DDX31: variants seen among roughly 807,000 people sequenced by gnomAD.
DDX31 encodes DEAD-box helicase 31.
Under a neutral mutation model 91.3 loss-of-function variants are expected in DDX31, and 70 were observed. That is an observed-to-expected ratio of 0.77 (90% CI 0.63 to 0.94). The LOEUF (loss-of-function observed/expected upper bound fraction) is 0.94. DDX31 is among the 40% of genes least tolerant of loss of function. The probability of loss-of-function intolerance (pLI) is 0.00; values close to 1 mark genes in which losing one functional copy is unlikely to be tolerated. For missense variants in DDX31, 902 were observed against 925.0 expected, an observed-to-expected ratio of 0.98 and a Z score of 0.32; for synonymous variants, 362 against 350.6, an observed-to-expected ratio of 1.03 and a Z score of -0.36.
At chr9:132,655,001 A>C (rs899439119) in intron 6 of DDX31, among the ~76,000 whole-genome samples, 1 of 151,356 alleles carries the variant, frequency 6.6e-6, no homozygotes, top group Non-Finnish European at 1.5e-5. Flanking sequence ...AGAGCATTGG[A>C]GGGCATGGGA....
Position 132,594,928 on chromosome 9 carries a change from A to T in DDX31, c.2179T>A (p.Leu727Ile), listed in dbSNP as rs370819702. Residue 727 changes from leucine to isoleucine, a missense_variant, in exon 20 of 20, where the codon TTA becomes ATA. Leu to Ile is a conservative substitution (Grantham distance 5, BLOSUM62 2). Transcript: ENST00000372159. ...CCTTTTTGGGTTTTTCTCCATTTTA[A>T]TGTTTTCCCACGGCCAAAGCAGGGT... ...PTPCFGRGKT[L>I]KWRKTQKGVQ... 6.2e-7 allele frequency: 1 copy of T among 1,614,032 alleles called. No homozygotes were observed.
At chr9:132,630,986 C>A (rs1564303824) in intron 15 of DDX31, among the ~76,000 whole-genome samples, 1 of 152,220 alleles carries the variant, frequency 6.6e-6, no homozygotes, top group Admixed American at 6.5e-5. Flanking sequence ...CTACAGAATG[C>A]GGGCAGGTGA....
At chr9:132,625,603 C>T in intron 17 of DDX31, 61 bp downstream of exon 17, 1 of 1,334,654 alleles carries the variant, frequency 7.5e-7, no homozygotes, top group South Asian at 1.2e-5. Flanking sequence ...AAAGTCTCTA[C>T]TACCCCAAAT....
intron 17 of DDX31, among the ~76,000 whole-genome samples, chr9:132,618,642 A>G (rs949476037): frequency 2.0e-5 from 3 of 152,200 alleles, no homozygotes; most frequent in African/African-American, 7.2e-5. Flanking sequence ...TTTATGAGAG[A>G]GAACATCAGG....
chr9:132,658,509 G>A (rs1025643389), intron 6 of DDX31, among the ~76,000 whole-genome samples, 162 bp downstream of exon 6: 1 of 152,152 alleles, frequency 6.6e-6, no homozygotes, highest in South Asian at 2.1e-4. Context: ...TCTAGGCACA[G>A]TCTCTAGATA....
rs115531989 is a variant in DDX31, at chr9:132,613,294, G to A, written c.1826-1039C>T. Among the ~76,000 whole-genome samples the A allele has an allele frequency of 9.2e-3, 1,398 of 152,334 alleles. 13 individuals are homozygous for A. Among genetic ancestry groups the A allele is most frequent in the African/African-American group, 0.032 (1,319 of 41,570 alleles). On this transcript the variant is annotated intron_variant, in intron 18 of 19. Coordinates refer to ENST00000372159, the MANE Select transcript of DDX31 (RefSeq NM_022779.9). ...AAAGGGAATGAAACAAATGTTTAAA[G>A]GAGAAAGAAAACTACTAAGTCTCTA... is the stretch of plus-strand genomic sequence containing the variant.
chr9:132,611,465 A>C (rs564228168), intron 19 of DDX31, among the ~76,000 whole-genome samples: 29 of 152,276 alleles, frequency 1.9e-4, no homozygotes, highest in Admixed American at 8.5e-4. Flanking sequence ...AAATCATCTC[A>C]GCACTGGGAA....
intron 16 of DDX31, among the ~76,000 whole-genome samples, chr9:132,629,438 A>T (rs1832591883): frequency 6.6e-6 from 1 of 152,252 alleles, no homozygotes; most frequent in African/African-American, 2.4e-5. Flanking sequence ...TGAGAGGCAG[A>T]GTTCTGCGGA....
intron 12 of DDX31, 73 bp downstream of exon 12, chr9:132,646,750 G>T: frequency 1.4e-6 from 2 of 1,463,304 alleles, no homozygotes; most frequent in Non-Finnish European, 1.9e-6. Flanking sequence ...TCAACTCATT[G>T]CTCCCAATGG....
intron 14 of DDX31, 21 bp downstream of exon 14, chr9:132,641,983 G>A: frequency 1.2e-6 from 2 of 1,610,316 alleles, no homozygotes; most frequent in Non-Finnish European, 1.7e-6. Context: ...GCCTTCACAT[G>A]GAACACAGGA....
chr9:132,624,845 C>T (rs570359087), intron 17 of DDX31, among the ~76,000 whole-genome samples: 59 of 152,344 alleles, frequency 3.9e-4, no homozygotes, highest in African/African-American at 1.3e-3. Flanking sequence ...AACGGGGTCC[C>T]TCCCTGCTCA....
rs1371435611 is a variant in DDX31 at position 132,608,067 on chromosome 9, T to A, written c.1994+4020A>T. ...GAAAGATGGGGACTTTGGAAGGATATGTTACCTTTGCTTCTCAGAAACTGC... is the reference window on the plus strand; with the variant it reads ...GAAAGATGGGGACTTTGGAAGGATAAGTTACCTTTGCTTCTCAGAAACTGC... On this transcript the variant is annotated intron_variant, in intron 19 of 19. Coordinates refer to ENST00000372159, the MANE Select transcript of DDX31 (RefSeq NM_022779.9). Among the ~76,000 whole-genome samples the A allele has an allele frequency of 2.6e-5, 4 of 152,194 alleles. No individual in the cohort carries two copies. The East Asian group carries it at 7.7e-4, about 29-fold the overall frequency.
chr9:132,602,754 T>C lies in DDX31; in HGVS notation c.1995-7642A>G, dbSNP rs186256159. On this transcript the variant is annotated intron_variant, in intron 19 of 19. Transcript: ENST00000372159. ...CAGTTTATTCACTTACAAAAGCTAA[T>C]GTACTAAAAGCATTCACATGCTGCC... Among the ~76,000 whole-genome samples, 493 of 152,346 alleles carry C rather than the reference T, an allele frequency of 3.2e-3. 2 individuals are homozygous for C. Among genetic ancestry groups the C allele is most frequent in the African/African-American group, 0.011 (470 of 41,580 alleles).
Position 132,658,655 on chromosome 9 carries a change from C to G in DDX31, c.588+16G>C. 6.2e-7 allele frequency: 1 copy of G among 1,611,286 alleles called. No individual in the cohort carries two copies. The highest frequency in any genetic ancestry group is 8.5e-7 in the Non-Finnish European group (1 of 1,178,348). On this transcript the variant is annotated intron_variant, in intron 6 of 19. Transcript: ENST00000372159. ...TGCACTATGAGCAATGACAGAAAAA[C>G]ACATTTGATACACACCTGTATTTTT...
At chr9:132,605,541 CCAGG>C (rs1830964294) in intron 19 of DDX31, among the ~76,000 whole-genome samples, 1 of 152,194 alleles carries the variant, frequency 6.6e-6, no homozygotes, top group African/African-American at 2.4e-5. Context: ...TGAGCAAACA[CCAGG>C]CAGGGGCTGT....
intron 17 of DDX31, among the ~76,000 whole-genome samples, chr9:132,624,054 C>A (rs976264064): frequency 6.6e-6 from 1 of 151,060 alleles, no homozygotes; most frequent in African/African-American, 2.4e-5. Flanking sequence ...GTAGTCCCAG[C>A]TGCTCAAGAG....
chr9:132,668,526 C>T (rs1416081470), intron 1 of DDX31, among the ~76,000 whole-genome samples: 2 of 151,408 alleles, frequency 1.3e-5, no homozygotes, highest in Non-Finnish European at 2.9e-5. Context: ...ATCCAGCCCT[C>T]GAGAGGTCCT....
chr9:132,606,454 G>A (rs1831029615), intron 19 of DDX31, among the ~76,000 whole-genome samples: 1 of 152,182 alleles, frequency 6.6e-6, no homozygotes, highest in South Asian at 2.1e-4. Flanking sequence ...CTAAAAGGTT[G>A]AAGTTCACTT....
At position 132,630,613 on chromosome 9, in the gene DDX31, T is replaced by C. The variant is rs575013252; in HGVS notation, c.1492-210A>G. On this transcript the variant is annotated intron_variant, in intron 15 of 19. Coordinates refer to ENST00000372159, the MANE Select transcript of DDX31 (RefSeq NM_022779.9). ...GGCTCCGACAAGCAAATGTGAACAGTGGCCAAGTTTCCGATAAACGAGACG... is the reference window on the plus strand; with the variant it reads ...GGCTCCGACAAGCAAATGTGAACAGCGGCCAAGTTTCCGATAAACGAGACG... 9.0e-4 allele frequency among the ~76,000 whole-genome samples: 137 copies of C among 152,360 alleles called. 2 individuals carry two copies. The highest frequency in any genetic ancestry group is 3.9e-4 in the Admixed American group (6 of 15,308).
Sources: allele counts gnomAD v4.1 joint callset (sites outside exome capture counted in the v4.1 genomes callset), GRCh38; gene constraint gnomAD v4.1.1; transcripts MANE v1.5; gene names NCBI Gene and HGNC (gene_info 2026-07-23, HGNC 2026-07-21).